Variants in TXNDC5 observed in about 807,000 individuals in gnomAD.
The protein encoded by TXNDC5 is thioredoxin domain-containing protein 5.
A neutral mutation model predicts 52.6 loss-of-function variants in TXNDC5; 44 were observed. The observed-to-expected ratio is 0.84, with a 90% CI of 0.66 to 1.08. TXNDC5 has a LOEUF of 1.08. Ranked by LOEUF, TXNDC5 falls within the 50% of genes least tolerant of loss-of-function variation. TXNDC5 has a pLI of 0.00. For synonymous variants in TXNDC5, 241 were observed against 234.4 expected (o/e 1.03, Z -0.26); for missense variants, 600 against 565.5 (o/e 1.06, Z -0.62).
At chr6:7,908,238 G>A (rs1325234192) in intron 1 of TXNDC5, among the ~76,000 whole-genome samples, 5 of 138,846 alleles carry the variant, frequency 3.6e-5, no homozygotes, top group Non-Finnish European at 6.0e-5. Flanking sequence ...AATCAAGATT[G>A]CGCTACTGCA....
chr6:7,896,500 A>G (rs1760373782), intron 3 of TXNDC5, among the ~76,000 whole-genome samples: 1 of 152,244 alleles, frequency 6.6e-6, no homozygotes, highest in Admixed American at 6.5e-5. Flanking sequence ...TCCTATTAAA[A>G]AGAATATCCA....
intron 2 of TXNDC5, 51 bp downstream of exon 2, chr6:7,904,522 TC>T: frequency 6.3e-7 from 1 of 1,598,744 alleles, no homozygotes; most frequent in Admixed American, 1.7e-5. Flanking sequence ...ACTAGGACTT[TC>T]TTTGTAGCCA....
chr6:7,883,307 A>G (rs1759837263), intron 9 of TXNDC5, 41 bp from the exon 10 acceptor site: 1 of 1,612,656 alleles, frequency 6.2e-7, no homozygotes, highest in Admixed American at 1.7e-5. Context: ...CCAGCGGTCC[A>G]GATCACATGC....
chr6:7,888,759 C>G lies in TXNDC5; in HGVS notation c.909G>C (p.Glu303Asp). The G allele has an allele frequency of 1.2e-6, 2 of 1,614,110 alleles. No homozygotes were observed. The highest frequency in any genetic ancestry group is 1.7e-6 in the Non-Finnish European group (2 of 1,180,014). Residue 303 changes from glutamate (E) to aspartate (D), a missense_variant, in exon 7 of 10, where the codon GAG (glutamate) becomes GAC (aspartate). Coordinates refer to ENST00000379757, the MANE Select transcript of TXNDC5 (RefSeq NM_030810.5). ...CCGGGGCCTCTGAGGGCGTGACGGT[C>G]TCCGTCGCTCCAGTCTCTGTGCGCT... Reference protein sequence around the residue: ...QLQRTETGATETVTPSEAPVL... With the variant: ...QLQRTETGATDTVTPSEAPVL...
chr6:7,910,080 G>A lies in TXNDC5; in HGVS notation c.263+434C>T, dbSNP rs111909397. On this transcript the variant is annotated intron_variant, in intron 1 of 9. Transcript: ENST00000379757. ...GAGGTGCAAGAGGCGGTTGAATTCA[G>A]GAGCGCGGCGCAGGGCGGGCTTTTC... The A allele has an allele frequency of 7.2e-3, 7,056 of 986,112 alleles. 345 individuals carry two copies. The African/African-American group carries it at 0.11, about 15-fold the overall frequency. 61.1% of individuals were successfully genotyped at this position (986,112 alleles called of 1,614,324 possible).
chr6:7,906,971 C>T (rs1442283873), intron 1 of TXNDC5, among the ~76,000 whole-genome samples: 1 of 152,134 alleles, frequency 6.6e-6, no homozygotes, highest in East Asian at 1.9e-4. Flanking sequence ...CATGATAGTT[C>T]TAATGCTGGA....
At chr6:7,904,389 A>G (rs1336738398) in intron 2 of TXNDC5, among the ~76,000 whole-genome samples, 185 bp downstream of exon 2, 1 of 152,212 alleles carries the variant, frequency 6.6e-6, no homozygotes, top group Non-Finnish European at 1.5e-5. Flanking sequence ...ACACTGATGA[A>G]TTAAAGGTTA....
intron 4 of TXNDC5, among the ~76,000 whole-genome samples, chr6:7,893,185 C>A (rs749634481): frequency 5.9e-5 from 9 of 152,220 alleles, no homozygotes; most frequent in African/African-American, 2.2e-4. Context: ...TGATACCAAA[C>A]TGAAAGCAGG....
chr6:7,898,869 A>G (rs1336544289), intron 3 of TXNDC5, among the ~76,000 whole-genome samples: 1 of 152,164 alleles, frequency 6.6e-6, no homozygotes, highest in East Asian at 1.9e-4. Flanking sequence ...AGAGTCTACA[A>G]TCTCCTGATA....
intron 7 of TXNDC5, among the ~76,000 whole-genome samples, chr6:7,887,559 A>AC (rs1356927024): frequency 6.6e-6 from 1 of 151,986 alleles, no homozygotes; most frequent in East Asian, 1.9e-4. Context: ...TCGCCATCGC[A>AC]CAGTCACGGC....
chr6:7,891,371 C>T (rs548762825), intron 5 of TXNDC5, among the ~76,000 whole-genome samples: 1 of 152,090 alleles, frequency 6.6e-6, no homozygotes, highest in African/African-American at 2.4e-5. Context: ...GCTGCCAATT[C>T]AGATTTGGCC....
chr6:7,885,143 G>A (rs550150741), intron 8 of TXNDC5, among the ~76,000 whole-genome samples: 21 of 152,252 alleles, frequency 1.4e-4, no homozygotes, highest in Middle Eastern at 3.4e-3. Flanking sequence ...GCTATGGTTC[G>A]TTCAAGTCCT....
chr6:7,886,023 AG>A lies in TXNDC5; in HGVS notation c.983del (p.Thr328MetfsTer13). 6.2e-7 allele frequency: 1 copy of A among 1,614,220 alleles called. No homozygotes were observed. Among genetic ancestry groups the A allele is most frequent in the Non-Finnish European group, 8.5e-7 (1 of 1,180,018 alleles). On this transcript the variant is annotated frameshift_variant, in exon 8 of 10. Coordinates refer to ENST00000379757, the MANE Select transcript of TXNDC5 (RefSeq NM_030810.5). LOFTEE classifies it high-confidence loss of function. ...EADKGTVLAL[T>X]ENNFDDTIAE... ...CAATGGTGTCATCGAAGTTATTTTC[AG>A]TGAGTGCCAACACAGTGCCCTTCAA...
At chr6:7,900,515 G>A (rs539001261) in intron 2 of TXNDC5, among the ~76,000 whole-genome samples, 2 of 152,344 alleles carry the variant, frequency 1.3e-5, no homozygotes, top group African/African-American at 4.8e-5. Flanking sequence ...CACTTCTACA[G>A]CGCGTATGTG....
At chr6:7,910,236 C>T (rs556001901) in intron 1 of TXNDC5, among the ~76,000 whole-genome samples, 1 of 151,548 alleles carries the variant, frequency 6.6e-6, no homozygotes, top group Non-Finnish European at 1.5e-5. Context: ...CGGTCCCCTG[C>T]AGTCCCCGGC....
At chr6:7,904,961 G>A (rs889472819) in intron 1 of TXNDC5, among the ~76,000 whole-genome samples, 2 of 152,180 alleles carry the variant, frequency 1.3e-5, no homozygotes, top group African/African-American at 2.4e-5. Flanking sequence ...TTAGCAAAGT[G>A]TTGTTCTGGA....
intron 1 of TXNDC5, chr6:7,909,875 G>A (rs1360458021): frequency 4.1e-6 from 4 of 985,924 alleles, no homozygotes; most frequent in South Asian, 4.7e-5. Context: ...GTCTGTCCCA[G>A]CCGACCCCGG....
intron 9 of TXNDC5, among the ~76,000 whole-genome samples, 176 bp downstream of exon 9, chr6:7,884,183 T>C (rs1025106292): frequency 5.9e-5 from 9 of 152,116 alleles, no homozygotes; most frequent in African/African-American, 2.2e-4. Context: ...CGAAGAAGAA[T>C]GCCTTCCCTT....
chr6:7,894,828 A>G, intron 4 of TXNDC5: 2 of 985,468 alleles, frequency 2.0e-6, no homozygotes, highest in Non-Finnish European at 2.4e-6. Context: ...GAGTCTGTCA[A>G]TAAACACTCT....
Sources: allele counts gnomAD v4.1 joint callset (sites outside exome capture counted in the v4.1 genomes callset), GRCh38; gene constraint gnomAD v4.1.1; transcripts MANE v1.5; gene names NCBI Gene and HGNC (gene_info 2026-07-23, HGNC 2026-07-21).